The following HMCN2 variants were observed in gnomAD, a reference collection of about 807,000 sequenced individuals.
HMCN2 encodes the protein hemicentin-2.
A neutral mutation model predicts 377.5 loss-of-function variants in HMCN2; 325 were observed. That is an observed-to-expected ratio of 0.86 (90% CI 0.79 to 0.94). The LOEUF (loss-of-function observed/expected upper bound fraction) is 0.94. Among genes scored for constraint, HMCN2 ranks in the 40% least tolerant of loss-of-function variants. The pLI, the probability that HMCN2 is intolerant of heterozygous loss-of-function variation, is 0.00. For synonymous variants in HMCN2, 2,007 were observed against 2,046.8 expected (o/e 0.98, Z 0.53); for missense variants, 4,543 against 4,725.3 (o/e 0.96, Z 1.13).
Position 130,428,253 on chromosome 9 carries a change from T to C in HMCN2, c.14066-105T>C, listed in dbSNP as rs1564886744. On this transcript the variant is annotated intron_variant, in intron 92 of 97. Coordinates refer to ENST00000683500, the MANE Select transcript of HMCN2 (RefSeq NM_001291815.2). The surrounding 1 kb of genome is among the most constrained non-coding windows in gnomAD (Gnocchi z 5.0). ...TGGGGACCTTCCTGCCAGTGGCTCC[T>C]GGGCCTGCGGACGAAGCCTCTGTGG... 7.4e-6 allele frequency: 10 copies of C among 1,348,624 alleles called. No homozygotes were observed. The highest frequency in any genetic ancestry group is 9.8e-6 in the Non-Finnish European group (10 of 1,019,568). The allele number at this position is 1,348,624 out of a possible 1,614,324, so 83.5% of individuals were successfully genotyped here.
At chr9:130,297,560 C>T (rs562785773) in intron 7 of HMCN2, among the ~76,000 whole-genome samples, 2 of 152,180 alleles carry the variant, frequency 1.3e-5, no homozygotes, top group Non-Finnish European at 2.9e-5. Context: ...ACCAGCTCAG[C>T]TCAGCTCCTC....
At chr9:130,318,900 C>T (rs998815513) in intron 15 of HMCN2, among the ~76,000 whole-genome samples, 4 of 152,224 alleles carry the variant, frequency 2.6e-5, no homozygotes, top group Non-Finnish European at 4.4e-5. Flanking sequence ...ATAATCCCCC[C>T]CGACGCTGGC....
rs1289208301 is a variant in HMCN2 at position 130,355,042 on chromosome 9, AG to A, written c.5146+1del. 9 of 1,275,414 alleles carry A rather than the reference AG, an allele frequency of 7.1e-6. No homozygotes were observed. Among genetic ancestry groups the A allele is most frequent in the Non-Finnish European group, 9.2e-6 (9 of 979,068 alleles). 79.0% of individuals were successfully genotyped at this position (1,275,414 alleles called of 1,614,324 possible). On this transcript the variant is annotated frameshift_variant and splice_region_variant, in exon 32 of 98. Transcript: ENST00000683500. LOFTEE classifies it high-confidence loss of function. ...GTCCTGCAGTACTCCGTGGAGGTTC[AG>A]GGTGAGCCCGGCCCACCCCACTCAG... The part of the protein sequence containing the change: ...EAVLQYSVEV[Q>X]VPPQLLVAEG...
At chr9:130,410,917 G>T (rs1843373696) in intron 85 of HMCN2, among the ~76,000 whole-genome samples, 1 of 152,194 alleles carries the variant, frequency 6.6e-6, no homozygotes, top group African/African-American at 2.4e-5. Context: ...CACCGCGACA[G>T]CTCTCGCATG....
intron 86 of HMCN2, among the ~76,000 whole-genome samples, chr9:130,421,754 T>C (rs1844026456): frequency 6.6e-6 from 1 of 152,240 alleles, no homozygotes; most frequent in South Asian, 2.1e-4. Context: ...ACCCCAGCTA[T>C]GGGCTGCAGG....
At chr9:130,311,920 C>T (rs1837263720) in intron 15 of HMCN2, among the ~76,000 whole-genome samples, 1 of 152,122 alleles carries the variant, frequency 6.6e-6, no homozygotes, top group Non-Finnish European at 1.5e-5. Context: ...CTCAGGTAGG[C>T]TGGGCTGGGC....
intron 85 of HMCN2, among the ~76,000 whole-genome samples, chr9:130,416,938 A>T (rs1431035129): frequency 2.6e-5 from 4 of 151,518 alleles, no homozygotes; most frequent in African/African-American, 4.9e-5. Context: ...TTAGAGATGG[A>T]TTCTCACTCT....
In HMCN2 at chr9:130,356,273, G is replaced by C. The variant is rs1840022884; in HGVS notation, c.5425+16G>C. 1.6e-6 allele frequency: 2 copies of C among 1,283,900 alleles called. No individual in the cohort carries two copies. Among genetic ancestry groups the C allele is most frequent in the African/African-American group, 3.0e-5 (2 of 65,582 alleles). The allele number at this position is 1,283,900 out of a possible 1,614,324, so 79.5% of individuals were successfully genotyped here. On this transcript the variant is annotated intron_variant, in intron 34 of 97. Transcript: ENST00000683500. Reference sequence around the variant, plus strand: ...TCTGTGCATGGTGAGTGGGCGCCTGGGGTTCTGGAGCTGTGGGCAGCCTGA... The same window carrying C: ...TCTGTGCATGGTGAGTGGGCGCCTGCGGTTCTGGAGCTGTGGGCAGCCTGA...
intron 43 of HMCN2, among the ~76,000 whole-genome samples, chr9:130,367,634 G>A (rs1009748859): frequency 4.6e-5 from 7 of 151,962 alleles, no homozygotes; most frequent in African/African-American, 1.7e-4. Context: ...CCAGGCCCTG[G>A]GGAGCCACTA....
intron 27 of HMCN2, 147 bp downstream of exon 27, chr9:130,348,822 G>A: frequency 8.2e-7 from 1 of 1,226,968 alleles, no homozygotes; most frequent in Non-Finnish European, 1.1e-6. Flanking sequence ...CGGCAGTGGA[G>A]GATAGTGGTC....
At chr9:130,269,482 G>T (rs1554920371) in intron 1 of HMCN2, among the ~76,000 whole-genome samples, 1 of 147,874 alleles carries the variant, frequency 6.8e-6, no homozygotes, top group Non-Finnish European at 1.5e-5. Context: ...CGACTCTTCA[G>T]GTTGTTTTCC....
intron 4 of HMCN2, among the ~76,000 whole-genome samples, chr9:130,293,515 C>A (rs145118684): frequency 6.6e-6 from 1 of 152,028 alleles, no homozygotes; most frequent in African/African-American, 2.4e-5. Context: ...CTTCCTCTCC[C>A]TCTGTCTTGG....
chr9:130,311,803 C>T (rs1001530750), intron 15 of HMCN2, among the ~76,000 whole-genome samples: 6 of 152,174 alleles, frequency 3.9e-5, no homozygotes, highest in African/African-American at 1.4e-4. Context: ...ACCAGTCACT[C>T]CCCGCCTGGG....
chr9:130,395,823 G>A (rs764180050), intron 71 of HMCN2, 101 bp from the exon 72 acceptor site: 28 of 1,176,128 alleles, frequency 2.4e-5, no homozygotes, highest in Non-Finnish European at 3.0e-5. Context: ...CAGAGCCACT[G>A]TCCAGCTTCA....
intron 26 of HMCN2, among the ~76,000 whole-genome samples, chr9:130,348,240 G>A (rs1839496091): frequency 6.6e-6 from 1 of 152,232 alleles, no homozygotes; most frequent in Admixed American, 6.5e-5. Context: ...GACCCTCCCT[G>A]GTCACTGTGA....
Position 130,349,634 on chromosome 9 carries a change from G to GCC in HMCN2, c.4404_4405dup (p.Gln1469ProfsTer82). 7.7e-7 allele frequency: 1 copy of GCC among 1,304,026 alleles called. No homozygotes were observed. The highest frequency in any genetic ancestry group is 1.0e-6 in the Non-Finnish European group (1 of 988,784). 80.8% of individuals were successfully genotyped at this position (1,304,026 alleles called of 1,614,324 possible). A position where few individuals can be genotyped will look rare whatever the true frequency, so the allele number is the denominator to read the frequency against. ...AGTGTTGGACCTCAGGGGTCCCCAC[G>GCC]CCCCAGGTGGAGTGGACCAAGGACA... is the stretch of plus-strand genomic sequence containing the variant. On this transcript the variant is annotated frameshift_variant, in exon 29 of 98. Coordinates refer to ENST00000683500, the MANE Select transcript of HMCN2 (RefSeq NM_001291815.2). LOFTEE classifies it high-confidence loss of function.
chr9:130,402,508 T>C (rs1287671489), intron 77 of HMCN2, among the ~76,000 whole-genome samples: 2 of 152,196 alleles, frequency 1.3e-5, no homozygotes, highest in African/African-American at 4.8e-5. Flanking sequence ...CTTCACAGCC[T>C]AAAGGGTCTA....
chr9:130,298,933 C>A, intron 7 of HMCN2, 92 bp from the exon 8 acceptor site: 1 of 397,920 alleles, frequency 2.5e-6, no homozygotes, highest in Non-Finnish European at 5.3e-6. Flanking sequence ...GCAAGCAGGA[C>A]CCCTGGGGTG....
intron 90 of HMCN2, among the ~76,000 whole-genome samples, chr9:130,426,399 G>C (rs139860291): frequency 9.6e-4 from 147 of 152,348 alleles, no homozygotes; most frequent in African/African-American, 3.3e-3. Flanking sequence ...CATTGAATGA[G>C]AGACAGTGCT....
Sources: gnomAD v4.1 joint callset for allele counts (sites outside exome capture counted in the v4.1 genomes callset) on GRCh38, gnomAD v4.1.1 for gene constraint, Gnocchi (gnomAD v3.1) non-coding constraint, MANE v1.5 for transcripts, NCBI Gene and HGNC (gene_info 2026-07-23, HGNC 2026-07-21) for gene names.